The following DLG2 variants were observed in gnomAD, a reference collection of about 807,000 sequenced individuals.
DLG2 encodes the protein disks large homolog 2.
In DLG2, 45 loss-of-function variants were observed where a neutral mutation model predicts 132.5. The observed-to-expected ratio is 0.34, with a 90% CI of 0.27 to 0.44. The LOEUF (loss-of-function observed/expected upper bound fraction) is 0.44. DLG2 is among the 20% of genes least tolerant of loss of function. The pLI, the probability that DLG2 is intolerant of heterozygous loss-of-function variation, is 1.00. For missense variants in DLG2, 1,045 were observed against 1,196.9 expected (o/e 0.87, Z 1.87); for synonymous variants, 424 against 419.6 (o/e 1.01, Z -0.13).
At chr11:84,988,018 C>T (rs1331427987) in intron 6 of DLG2, among the ~76,000 whole-genome samples, 1 of 152,174 alleles carries the variant, frequency 6.6e-6, no homozygotes, top group African/African-American at 2.4e-5. Context: ...ACAATCTATA[C>T]ATCTGGCAAA....
At chr11:84,257,815 T>C (rs2097498834) in intron 7 of DLG2, among the ~76,000 whole-genome samples, 1 of 151,404 alleles carries the variant, frequency 6.6e-6, no homozygotes, top group African/African-American at 2.4e-5. Flanking sequence ...GACTCCCAAG[T>C]AGCTGGGACT....
intron 6 of DLG2, among the ~76,000 whole-genome samples, chr11:84,842,845 G>C (rs2080881081): frequency 6.6e-6 from 1 of 151,802 alleles, no homozygotes; most frequent in African/African-American, 2.4e-5. Context: ...TGTGTATACA[G>C]ACTCTTTCTT....
At chr11:83,517,952 A>C (rs1360983091) in intron 21 of DLG2, among the ~76,000 whole-genome samples, 9 of 152,200 alleles carry the variant, frequency 5.9e-5, no homozygotes, top group African/African-American at 2.2e-4. Flanking sequence ...ACTCCCAGTT[A>C]GGCTACTCGG....
rs372781847 is a variant in DLG2 at position 83,696,446 on chromosome 11, G to A, written c.1826-63121C>T. Among the ~76,000 whole-genome samples, 218 of 152,214 alleles carry A rather than the reference G, an allele frequency of 1.4e-3. 8 individuals carry two copies. In the South Asian group the frequency reaches 0.045, roughly 31 times the overall value. On this transcript the variant is annotated intron_variant, in intron 18 of 27. Coordinates refer to ENST00000376104, the MANE Select transcript of DLG2 (RefSeq NM_001142699.3). ...CTTGGTTATTATTATTTACTCATTA[G>A]GTAAGCCAGCCAGTCAGTCAGTCAG...
At chr11:84,792,129 G>GT (rs2073939217) in intron 6 of DLG2, among the ~76,000 whole-genome samples, 1 of 152,024 alleles carries the variant, frequency 6.6e-6, no homozygotes, top group Admixed American at 6.6e-5. Flanking sequence ...TTTTTTGAGG[G>GT]TTTTTATCAT....
At chr11:85,248,092 T>C (rs1192526420) in intron 4 of DLG2, among the ~76,000 whole-genome samples, 1 of 152,110 alleles carries the variant, frequency 6.6e-6, no homozygotes, top group Non-Finnish European at 1.5e-5. Flanking sequence ...CATTATCTAT[T>C]ATATCTGTGT....
At position 85,492,295 on chromosome 11, in the gene DLG2, C is replaced by A. The variant is rs190380296; in HGVS notation, c.40+106362G>T. 6.6e-5 allele frequency among the ~76,000 whole-genome samples: 10 copies of A among 152,200 alleles called. No individual in the cohort carries two copies. In the East Asian group the frequency reaches 1.9e-3, roughly 29 times the overall value. On this transcript the variant is annotated intron_variant, in intron 3 of 27. Transcript: ENST00000376104. ...GGCAAAAACCGCAATTACTTCTGCA[C>A]CAAGCTATAAAATTTGCATTTCTCA...
chr11:84,694,407 A>G (rs2058394047), intron 6 of DLG2, among the ~76,000 whole-genome samples: 1 of 151,682 alleles, frequency 6.6e-6, no homozygotes. Context: ...AGAAAACTAC[A>G]TTGTAAACAT....
chr11:85,325,221 G>T (rs2081374818), intron 3 of DLG2, among the ~76,000 whole-genome samples: 1 of 151,800 alleles, frequency 6.6e-6, no homozygotes, highest in Non-Finnish European at 1.5e-5. Flanking sequence ...GCCCAGGCTT[G>T]CTTAGGTAAA....
intron 16 of DLG2, among the ~76,000 whole-genome samples, chr11:83,863,426 G>T (rs1029300302): frequency 2.0e-5 from 3 of 152,040 alleles, no homozygotes; most frequent in Non-Finnish European, 4.4e-5. Flanking sequence ...ATTACTGATT[G>T]TATCTCCTCA....
intron 6 of DLG2, among the ~76,000 whole-genome samples, chr11:84,604,530 T>C (rs1199470491): frequency 2.6e-5 from 4 of 151,994 alleles, no homozygotes; most frequent in African/African-American, 4.8e-5. Context: ...TCCTGATTTA[T>C]GTGAGGCTAC....
chr11:83,660,786 CAG>C (rs1179024928), intron 18 of DLG2, among the ~76,000 whole-genome samples: 2 of 152,054 alleles, frequency 1.3e-5, no homozygotes, highest in Non-Finnish European at 2.9e-5. Flanking sequence ...GAAAGATAAA[CAG>C]AAAGTTGATA....
chr11:85,174,336 T>C (rs553894755), intron 4 of DLG2, among the ~76,000 whole-genome samples: 1 of 152,242 alleles, frequency 6.6e-6, no homozygotes, highest in South Asian at 2.1e-4. Context: ...ACCACACGAC[T>C]ACATGGAAAT....
chr11:84,089,489 A>G (rs2097053430), intron 10 of DLG2, among the ~76,000 whole-genome samples: 2 of 152,196 alleles, frequency 1.3e-5, no homozygotes, highest in Admixed American at 6.5e-5. Flanking sequence ...AAAAAGCAAA[A>G]AAATGAATTG....
At chr11:85,227,438 A>G (rs893931120) in intron 4 of DLG2, among the ~76,000 whole-genome samples, 1 of 152,110 alleles carries the variant, frequency 6.6e-6, no homozygotes. Flanking sequence ...CAGATATACA[A>G]CTATTAAAAA....
At chr11:83,520,963 T>G (rs1167095761) in intron 21 of DLG2, among the ~76,000 whole-genome samples, 1 of 152,206 alleles carries the variant, frequency 6.6e-6, no homozygotes, top group Admixed American at 6.5e-5. Context: ...GAATAGATCA[T>G]GTATCGAGAC....
chr11:85,411,102 A>G (rs2089269073), intron 3 of DLG2, among the ~76,000 whole-genome samples: 1 of 151,916 alleles, frequency 6.6e-6, no homozygotes, highest in Non-Finnish European at 1.5e-5. Flanking sequence ...AATATTCTTC[A>G]GAGCAGAAAA....
intron 3 of DLG2, among the ~76,000 whole-genome samples, chr11:85,375,283 T>C (rs940346672): frequency 5.3e-5 from 8 of 152,204 alleles, no homozygotes; most frequent in Admixed American, 3.3e-4. Context: ...CTGGGGACTA[T>C]GTTGAAAACT....
intron 18 of DLG2, among the ~76,000 whole-genome samples, chr11:83,731,845 A>G (rs1414990114): frequency 6.6e-6 from 1 of 152,134 alleles, no homozygotes; most frequent in Non-Finnish European, 1.5e-5. Flanking sequence ...TGCCTGCCTC[A>G]GTTTTCTTAT....
Sources: gnomAD v4.1 joint callset for allele counts (sites outside exome capture counted in the v4.1 genomes callset) on GRCh38, gnomAD v4.1.1 for gene constraint, MANE v1.5 for transcripts, NCBI Gene and HGNC (gene_info 2026-07-23, HGNC 2026-07-21) for gene names.